Variants in RNASET2 observed in about 807,000 individuals in gnomAD.
RNASET2 encodes the protein ribonuclease 6.
A neutral mutation model predicts 33.9 loss-of-function variants in RNASET2; 28 were observed. The ratio of observed to expected loss-of-function variants is 0.83; its 90% CI spans 0.61 to 1.13. The LOEUF (loss-of-function observed/expected upper bound fraction) is 1.13. RNASET2 is among the 50% of genes most tolerant of loss of function. The pLI is 0.00. For synonymous variants in RNASET2, 123 were observed against 121.0 expected, an observed-to-expected ratio of 1.02 and a Z score of -0.11; for missense variants, 330 against 319.9, an observed-to-expected ratio of 1.03 and a Z score of -0.24.
intron 6 of RNASET2, among the ~76,000 whole-genome samples, chr6:166,938,253 C>T (rs758991468): frequency 7.2e-5 from 11 of 152,124 alleles, no homozygotes; most frequent in Non-Finnish European, 1.3e-4. Context: ...CACCCTGAAA[C>T]GTCCCGACGG....
intron 1 of RNASET2, among the ~76,000 whole-genome samples, chr6:166,953,999 C>T (rs1779048344): frequency 6.6e-6 from 1 of 151,924 alleles, no homozygotes; most frequent in Non-Finnish European, 1.5e-5. Flanking sequence ...AGCTTAGCAA[C>T]ACCCAGGAAG....
At chr6:166,949,199 CAAA>C (rs1169530046) in intron 2 of RNASET2, among the ~76,000 whole-genome samples, 2 of 52,308 alleles carry the variant, frequency 3.8e-5, no homozygotes, top group Non-Finnish European at 6.8e-5. Flanking sequence ...ACCGTGTCTC[CAAA>C]AAAAAAAAAA....
chr6:166,937,417 A>G (rs1438683590), intron 6 of RNASET2, among the ~76,000 whole-genome samples: 2 of 152,314 alleles, frequency 1.3e-5, no homozygotes, highest in Non-Finnish European at 2.9e-5. Context: ...GATTACATGC[A>G]TGAGCCACCA....
At chr6:166,947,394 G>A (rs148342319) in intron 3 of RNASET2, among the ~76,000 whole-genome samples, 95 of 152,208 alleles carry the variant, frequency 6.2e-4, no homozygotes, top group African/African-American at 2.2e-3. Flanking sequence ...CTAAGACCCC[G>A]ACCCCTCAGA....
chr6:166,933,543 G>T lies in RNASET2; in HGVS notation c.492+548C>A. The T allele has an allele frequency of 6.1e-6, 1 of 164,030 alleles. No homozygotes were observed. The highest frequency in any genetic ancestry group is 6.0e-5 in the Admixed American group (1 of 16,768). The allele number at this position is 164,030 out of a possible 1,614,324, so 10.2% of individuals were successfully genotyped here. ...CAGCTACTTTTACTTCTTTCTAGAG[G>T]TCTCACTCTGCTGCCCAGGCTGGTC... is the stretch of plus-strand genomic sequence containing the variant. On this transcript the variant is annotated intron_variant, in intron 7 of 8. Coordinates refer to ENST00000508775, the MANE Select transcript of RNASET2 (RefSeq NM_003730.6). The surrounding 1 kb of genome is among the most constrained non-coding windows in gnomAD (Gnocchi z 4.1).
Position 166,956,301 on chromosome 6 carries a change from C to T in RNASET2, c.-119G>A. On this transcript the variant is annotated 5_prime_UTR_variant, in exon 1 of 9. Coordinates refer to ENST00000508775, the MANE Select transcript of RNASET2 (RefSeq NM_003730.6). ...TCCGAGCCCCCGCGCCGCCGCGCTC[C>T]CTCCGCTGCAGCAGCGGCCACCGGG... is the stretch of plus-strand genomic sequence containing the variant. 1 of 1,007,600 alleles carries T rather than the reference C, an allele frequency of 9.9e-7. No homozygotes were observed. Among genetic ancestry groups the T allele is most frequent in the Non-Finnish European group, 1.5e-6 (1 of 659,640 alleles). 62.4% of individuals were successfully genotyped at this position (1,007,600 alleles called of 1,614,324 possible).
chr6:166,952,587 T>C (rs1779013044), intron 1 of RNASET2, 39 bp from the exon 2 acceptor site: 9 of 1,544,200 alleles, frequency 5.8e-6, no homozygotes, highest in Non-Finnish European at 8.1e-6. Context: ...AAGAACTTTT[T>C]TTAAAGTTAC....
Position 166,929,244 on chromosome 6 carries a change from G to A in RNASET2, c.*344C>T, listed in dbSNP as rs73041471. ...CTGCGCCAAGAAGGCAACAGGCTCC[G>A]AGGGGAAAACTCGAGCAAGAGAGTC... On this transcript the variant is annotated 3_prime_UTR_variant, in exon 9 of 9. Transcript: ENST00000508775. Among the ~76,000 whole-genome samples the A allele has an allele frequency of 0.08, 12,128 of 152,246 alleles. 534 individuals carry two copies. The highest frequency in any genetic ancestry group is 0.1 in the African/African-American group (4,159 of 41,536).
intron 3 of RNASET2, among the ~76,000 whole-genome samples, chr6:166,947,799 G>C (rs1778883872): frequency 6.6e-6 from 1 of 152,170 alleles, no homozygotes; most frequent in Admixed American, 6.6e-5. Context: ...GACAAAACGG[G>C]TCCTTCAGAT....
rs1778288776 is a variant in RNASET2 at position 166,925,323 on chromosome 6, C to T, written c.*4265G>A. Reference sequence around the variant, plus strand: ...CCTCACCCATGCCATCTAGCCCTCACTCAAGCCACCCAGCTCTCACTTCCT... The same window carrying T: ...CCTCACCCATGCCATCTAGCCCTCATTCAAGCCACCCAGCTCTCACTTCCT... On this transcript the variant is annotated 3_prime_UTR_variant, in exon 9 of 9. Coordinates refer to ENST00000508775, the MANE Select transcript of RNASET2 (RefSeq NM_003730.6). Among the ~76,000 whole-genome samples, 1 of 151,924 alleles carries T rather than the reference C, an allele frequency of 6.6e-6. No individual in the cohort carries two copies. The highest frequency in any genetic ancestry group is 2.4e-5 in the African/African-American group (1 of 41,344).
rs73041461 is a variant in RNASET2, at chr6:166,924,991, C to A, written c.*4597G>T. Among the ~76,000 whole-genome samples, 13,702 of 152,058 alleles carry A rather than the reference C, an allele frequency of 0.09. 679 individuals carry two copies. The highest frequency in any genetic ancestry group is 0.11 in the African/African-American group (4,617 of 41,470). ...AGAAGTACAGGCCTCACCTCCACCG[C>A]GCAGGCCTCATCTACGCCATCCAGC... On this transcript the variant is annotated 3_prime_UTR_variant, in exon 9 of 9. Coordinates refer to ENST00000508775, the MANE Select transcript of RNASET2 (RefSeq NM_003730.6).
intron 1 of RNASET2, chr6:166,955,721 GT>G: frequency 8.8e-6 from 10 of 1,134,274 alleles, no homozygotes; most frequent in Non-Finnish European, 1.1e-5. Context: ...CCCGGGGAGT[GT>G]TCAGGGCTCC....
At chr6:166,955,457 A>C (rs923875184) in intron 1 of RNASET2, 4 of 985,900 alleles carry the variant, frequency 4.1e-6, no homozygotes, top group African/African-American at 1.7e-5. Context: ...AGGGATTCAG[A>C]ACAGGATACT....
At chr6:166,934,204 G>T in intron 6 of RNASET2, 68 bp from the exon 7 acceptor site, 1 of 1,018,714 alleles carries the variant, frequency 9.8e-7, no homozygotes, top group Non-Finnish European at 1.5e-6. Flanking sequence ...TTCTTTTCAG[G>T]TATCATATTT....
rs1319944633 is a variant in RNASET2, at chr6:166,955,208, C to T, written c.86+889G>A. 8.0e-5 allele frequency among the ~76,000 whole-genome samples: 7 copies of T among 87,496 alleles called. No homozygotes were observed. The East Asian group carries it at 1.4e-3, about 18-fold the overall frequency. 57.4% of individuals were successfully genotyped at this position (87,496 alleles called of 152,430 possible). On this transcript the variant is annotated intron_variant, in intron 1 of 8. Transcript: ENST00000508775. ...ACACACGCACACACGCACGCACACA[C>T]GCACGCACACACGCGCACACACGCA...
At chr6:166,955,927 C>T (rs1455629872) in intron 1 of RNASET2, among the ~76,000 whole-genome samples, 170 bp downstream of exon 1, 2 of 151,090 alleles carry the variant, frequency 1.3e-5, no homozygotes. Context: ...TGCTCAACTT[C>T]CCAACTTCTT....
intron 5 of RNASET2, 80 bp from the exon 6 acceptor site, chr6:166,939,088 C>A (rs1402111842): frequency 1.6e-5 from 16 of 998,146 alleles, no homozygotes; most frequent in Non-Finnish European, 1.9e-5. Context: ...AATCCCAACA[C>A]TTTGGGAGGC....
At chr6:166,938,188 C>A (rs1318304637) in intron 6 of RNASET2, among the ~76,000 whole-genome samples, 2 of 152,196 alleles carry the variant, frequency 1.3e-5, no homozygotes, top group Admixed American at 6.5e-5. Flanking sequence ...CACGACTTCA[C>A]TGGTTTATTA....
rs1562507407 is a variant in RNASET2, at chr6:166,955,331, GCACGCACACGCACACGCACGCACACA to G, written c.86+740_86+765del. On this transcript the variant is annotated intron_variant, in intron 1 of 8. Transcript: ENST00000508775. ...ACGACACACACGCACACACACGCAC[GCACGCACACGCACACGCACGCACACA>G]CACACGCACACACAAACGCACACGC... Among the ~76,000 whole-genome samples, 218 of 50,672 alleles carry G rather than the reference GCACGCACACGCACACGCACGCACACA, an allele frequency of 4.3e-3. 7 individuals are homozygous for G. The highest frequency in any genetic ancestry group is 0.017 in the African/African-American group (200 of 11,630). The allele number at this position is 50,672 out of a possible 152,430, so 33.2% of individuals were successfully genotyped here.
Sources: gnomAD v4.1 joint callset for allele counts (sites outside exome capture counted in the v4.1 genomes callset) on GRCh38, gnomAD v4.1.1 for gene constraint, Gnocchi (gnomAD v3.1) non-coding constraint, MANE v1.5 for transcripts, NCBI Gene and HGNC (gene_info 2026-07-23, HGNC 2026-07-21) for gene names.